STAC: variants seen among roughly 807,000 people sequenced by gnomAD.
The protein encoded by STAC is SH3 and cysteine rich domain.
In STAC, 43 loss-of-function variants were observed where a neutral mutation model predicts 48.8. That is an observed-to-expected ratio of 0.88 (90% CI 0.69 to 1.14). The LOEUF (loss-of-function observed/expected upper bound fraction) is 1.14, where lower values mean the gene tolerates loss of function less well. Among genes scored for constraint, STAC ranks in the 50% most tolerant of loss-of-function variants. STAC has a pLI of 0.00. For missense variants in STAC, 497 were observed against 504.0 expected, an observed-to-expected ratio of 0.99 and a Z score of 0.13; for synonymous variants, 193 against 179.5, an observed-to-expected ratio of 1.07 and a Z score of -0.60.
intron 2 of STAC, among the ~76,000 whole-genome samples, chr3:36,479,618 T>C (rs1010986822): frequency 2.0e-5 from 3 of 152,194 alleles, no homozygotes; most frequent in Non-Finnish European, 4.4e-5. Flanking sequence ...TAAATTATCA[T>C]ACTATTCTAT....
intron 6 of STAC, among the ~76,000 whole-genome samples, chr3:36,503,932 A>G (rs1698337876): frequency 6.6e-6 from 1 of 152,224 alleles, no homozygotes; most frequent in Non-Finnish European, 1.5e-5. Context: ...TATAATGTAG[A>G]TATCTTCAAG....
At chr3:36,449,969 A>G (rs1696632837) in intron 2 of STAC, among the ~76,000 whole-genome samples, 1 of 152,188 alleles carries the variant, frequency 6.6e-6, no homozygotes, top group Non-Finnish European at 1.5e-5. Flanking sequence ...ATTTTTAGCC[A>G]TTTGGCTCTT....
chr3:36,464,851 C>A (rs974041781), intron 2 of STAC, among the ~76,000 whole-genome samples: 21 of 149,088 alleles, frequency 1.4e-4, no homozygotes, highest in Non-Finnish European at 2.5e-4. Flanking sequence ...TACACATTTT[C>A]TTTATCCACT....
chr3:36,517,886 TACAC>T (rs562318931), intron 8 of STAC, among the ~76,000 whole-genome samples: 2 of 151,770 alleles, frequency 1.3e-5, no homozygotes, highest in South Asian at 4.2e-4. Flanking sequence ...TACATGCACA[TACAC>T]ACACACTTAT....
At chr3:36,388,932 C>A (rs1699680933) in intron 1 of STAC, among the ~76,000 whole-genome samples, 1 of 152,000 alleles carries the variant, frequency 6.6e-6, no homozygotes, top group African/African-American at 2.4e-5. Context: ...AATACAAGTA[C>A]CCTCTTGGAA....
intron 2 of STAC, among the ~76,000 whole-genome samples, chr3:36,467,022 A>G (rs569446794): frequency 1.3e-5 from 2 of 152,084 alleles, no homozygotes; most frequent in East Asian, 1.9e-4. Context: ...TGTCCCTTCT[A>G]TGCTTACTTT....
chr3:36,481,014 G>A (rs2125698160), intron 2 of STAC, among the ~76,000 whole-genome samples: 1 of 152,302 alleles, frequency 6.6e-6, no homozygotes, highest in South Asian at 2.1e-4. Flanking sequence ...AAAGTAAGAG[G>A]AAAAGGATAA....
intron 8 of STAC, among the ~76,000 whole-genome samples, chr3:36,514,812 A>G (rs1705419952): frequency 6.6e-6 from 1 of 152,124 alleles, no homozygotes. Flanking sequence ...AGGCAGGTGT[A>G]TTGCCTGAGG....
chr3:36,400,931 C>G (rs573979612), intron 1 of STAC, among the ~76,000 whole-genome samples: 67 of 152,292 alleles, frequency 4.4e-4, no homozygotes, highest in African/African-American at 1.6e-3. Flanking sequence ...AGAATTAATT[C>G]ATGTAGCAAG....
chr3:36,510,555 C>A (rs1698510903), intron 8 of STAC, among the ~76,000 whole-genome samples: 1 of 152,176 alleles, frequency 6.6e-6, no homozygotes, highest in East Asian at 1.9e-4. Flanking sequence ...TTGGAAACAA[C>A]CCAAATGCCC....
intron 5 of STAC, 74 bp from the exon 6 acceptor site, chr3:36,493,077 T>A: frequency 6.9e-7 from 1 of 1,445,884 alleles, no homozygotes; most frequent in Admixed American, 1.8e-5. Context: ...TAAGCTCTCT[T>A]ACACCAAAGT....
chr3:36,459,777 G>C (rs1696956344), intron 2 of STAC, among the ~76,000 whole-genome samples: 1 of 152,138 alleles, frequency 6.6e-6, no homozygotes, highest in Admixed American at 6.5e-5. Flanking sequence ...TTCAGGTAAG[G>C]CTAGTTGATG....
At position 36,505,849 on chromosome 3, in the gene STAC, TA is replaced by T; in HGVS notation, c.920+18del. On this transcript the variant is annotated intron_variant, in intron 8 of 10. Transcript: ENST00000273183. ...TTGGAAATGAGGTAAAAACCTTCTG[TA>T]AAGAAAAAAAAGAGTAAAATTTTAA... 1.3e-6 allele frequency: 2 copies of T among 1,551,776 alleles called. No homozygotes were observed. Among genetic ancestry groups the T allele is most frequent in the Non-Finnish European group, 1.7e-6 (2 of 1,143,096 alleles).
intron 1 of STAC, among the ~76,000 whole-genome samples, chr3:36,439,899 GCCT>G: frequency 6.6e-6 from 1 of 152,272 alleles, no homozygotes; most frequent in African/African-American, 2.4e-5. Context: ...ACTAGCTTAT[GCCT>G]CAGCAACAAG....
chr3:36,426,896 T>C (rs1479173452), intron 1 of STAC, among the ~76,000 whole-genome samples: 1 of 152,162 alleles, frequency 6.6e-6, no homozygotes, highest in African/African-American at 2.4e-5. Flanking sequence ...ATGGCTTTCA[T>C]TGTTGGTCAT....
chr3:36,498,139 A>G (rs1386748212), intron 6 of STAC, among the ~76,000 whole-genome samples: 1 of 152,172 alleles, frequency 6.6e-6, no homozygotes, highest in Non-Finnish European at 1.5e-5. Context: ...TAAGAAATAT[A>G]TAACTATATA....
chr3:36,520,567 C>G (rs1004806380), intron 8 of STAC, among the ~76,000 whole-genome samples: 4 of 152,202 alleles, frequency 2.6e-5, no homozygotes, highest in African/African-American at 9.6e-5. Flanking sequence ...TTTCTATTCT[C>G]TAAGTACATT....
intron 1 of STAC, among the ~76,000 whole-genome samples, chr3:36,387,779 T>A (rs1182285074): frequency 6.6e-6 from 1 of 152,160 alleles, no homozygotes; most frequent in Non-Finnish European, 1.5e-5. Context: ...CTACTCTGAA[T>A]AATGCTGCTA....
chr3:36,537,863 C>T (rs2125501820), intron 10 of STAC, among the ~76,000 whole-genome samples: 1 of 151,588 alleles, frequency 6.6e-6, no homozygotes, highest in African/African-American at 2.4e-5. Flanking sequence ...TAAAGATCCT[C>T]CTGAAAAAAA....
Sources: gnomAD v4.1 joint callset for allele counts (sites outside exome capture counted in the v4.1 genomes callset) on GRCh38, gnomAD v4.1.1 for gene constraint, MANE v1.5 for transcripts, NCBI Gene and HGNC (gene_info 2026-07-23, HGNC 2026-07-21) for gene names.